The following ADCY3 variants were observed in gnomAD, a reference collection of about 807,000 sequenced individuals.
ADCY3 encodes the protein adenylate cyclase type 3.
A neutral mutation model predicts 119.4 loss-of-function variants in ADCY3; 70 were observed. The observed-to-expected ratio is 0.59, with a 90% confidence interval of 0.48 to 0.72. The LOEUF is 0.72. Among genes scored for constraint, ADCY3 ranks in the 30% least tolerant of loss-of-function variants. The pLI is 0.00. For synonymous variants in ADCY3, 672 were observed against 621.4 expected (o/e 1.08, Z -1.21); for missense variants, 1,238 against 1,541.6 (o/e 0.80, Z 3.30).
At chr2:24,831,573 A>G (rs1028722848) in intron 12 of ADCY3, 89 bp downstream of exon 12, 2 of 1,049,944 alleles carry the variant, frequency 1.9e-6, no homozygotes, top group African/African-American at 3.2e-5. Flanking sequence ...CAGATTTGAC[A>G]GAAAGAATAA....
At chr2:24,857,953 C>T (rs1407587476) in intron 3 of ADCY3, among the ~76,000 whole-genome samples, 1 of 151,572 alleles carries the variant, frequency 6.6e-6, no homozygotes, top group South Asian at 2.1e-4. Flanking sequence ...AACTGTATCC[C>T]CAGTGCCTAG....
chr2:24,831,928 A>C lies in ADCY3; in HGVS notation c.1968-179T>G, dbSNP rs866218547. 4.3e-3 allele frequency among the ~76,000 whole-genome samples: 145 copies of C among 33,436 alleles called. 1 individual carries two copies. The highest frequency in any genetic ancestry group is 0.01 in the African/African-American group (129 of 12,480). 21.9% of individuals were successfully genotyped at this position (33,436 alleles called of 152,430 possible). A position where few individuals can be genotyped will look rare whatever the true frequency, so the allele number is the denominator to read the frequency against. On this transcript the variant is annotated intron_variant, in intron 11 of 21. Transcript: ENST00000679454. ...GCGGACAGGGGCCAGGGGACAGCGG[A>C]CAGTGGCCAGGGGACAGCAGACAGG...
chr2:24,840,139 GA>G, intron 6 of ADCY3, 108 bp from the exon 7 acceptor site: 2 of 1,442,760 alleles, frequency 1.4e-6, no homozygotes, highest in South Asian at 1.3e-5. Flanking sequence ...CCCTCCACAA[GA>G]GGGGGCCTGG....
Position 24,872,554 on chromosome 2 carries a change from C to A in ADCY3, c.825+16G>T. 1.2e-6 allele frequency: 2 copies of A among 1,612,586 alleles called. No homozygotes were observed. The highest frequency in any genetic ancestry group is 1.7e-6 in the Non-Finnish European group (2 of 1,179,032). The stretch of plus-strand genomic sequence containing the variant: ...TGAGCCCAAGCTCCAGGCCCGAGGC[C>A]TCCCGAGAGCCTCACCTGCTGCTGG... On this transcript the variant is annotated intron_variant, in intron 3 of 21. Transcript: ENST00000679454. The surrounding 1 kb of genome is among the most constrained non-coding windows in gnomAD (Gnocchi z 4.4).
intron 3 of ADCY3, among the ~76,000 whole-genome samples, chr2:24,854,700 A>G (rs71439148): frequency 0.025 from 3,770 of 152,230 alleles, 122 homozygotes; most frequent in East Asian, 0.11. Flanking sequence ...ACAATGTACC[A>G]ATGTTGCGGG....
At chr2:24,874,875 TGAAA>T (rs1221328138) in intron 2 of ADCY3, among the ~76,000 whole-genome samples, 1 of 152,188 alleles carries the variant, frequency 6.6e-6, no homozygotes, top group African/African-American at 2.4e-5. Flanking sequence ...TGCAGATCAA[TGAAA>T]GAAATACTGT....
intron 21 of ADCY3, chr2:24,820,332 A>G (rs2148324140): frequency 4.5e-6 from 6 of 1,332,242 alleles, no homozygotes; most frequent in East Asian, 5.9e-5. Flanking sequence ...CCTCTCATCC[A>G]GAGACTTCTC....
In ADCY3 at chr2:24,819,228, T is replaced by G. The variant is rs1246051763; in HGVS notation, c.*704A>C. 3 of 152,542 alleles carry G rather than the reference T, an allele frequency of 2.0e-5. No homozygotes were observed. The highest frequency in any genetic ancestry group is 4.4e-5 in the Non-Finnish European group (3 of 68,026). The allele number at this position is 152,542 out of a possible 1,614,324, so 9.4% of individuals were successfully genotyped here. On this transcript the variant is annotated 3_prime_UTR_variant, in exon 22 of 22. Transcript: ENST00000679454. The stretch of plus-strand genomic sequence containing the variant: ...TTGTTCTTTATCAATACCTGTAAAT[T>G]CTCTTAAAGCAGTAGCAAAGGCGAC...
At chr2:24,849,340 A>G (rs1236609196) in intron 3 of ADCY3, among the ~76,000 whole-genome samples, 3 of 152,058 alleles carry the variant, frequency 2.0e-5, no homozygotes, top group African/African-American at 7.3e-5. Context: ...GGTCTCGGAG[A>G]CTGTCTACCA....
In ADCY3 at chr2:24,827,601, T is replaced by C. The variant is rs1159093126; in HGVS notation, c.2440A>G (p.Met814Val). 4 of 1,586,488 alleles carry C rather than the reference T, an allele frequency of 2.5e-6. No homozygotes were observed. Among genetic ancestry groups the C allele is most frequent in the Non-Finnish European group, 3.4e-6 (4 of 1,163,286 alleles). ...CCTTGCATCTGCTCTAAGGCCACCATAGGTAAGCTGTTGGACAGATAACAG... is the reference window on the plus strand; with the variant it reads ...CCTTGCATCTGCTCTAAGGCCACCACAGGTAAGCTGTTGGACAGATAACAG... The part of the protein sequence containing the change: ...HKRFREHDLP[M>V]VALEQMQGFN... Residue 814 changes from methionine (M) to valine (V), a missense_variant, in exon 15 of 22, where the codon ATG (methionine) becomes GTG (valine). Coordinates refer to ENST00000679454, the MANE Select transcript of ADCY3 (RefSeq NM_004036.5).
chr2:24,902,034 C>CTGTG (rs57980321), intron 2 of ADCY3, among the ~76,000 whole-genome samples: 2,476 of 122,276 alleles, frequency 0.02, 42 homozygotes, highest in East Asian at 0.034. Flanking sequence ...CATTTTAACT[C>CTGTG]TGTGTGTGTG....
In ADCY3 at chr2:24,878,097, G is replaced by A. The variant is rs949960264; in HGVS notation, c.676-5378C>T. 4 of 249,234 alleles carry A rather than the reference G, an allele frequency of 1.6e-5. No individual in the cohort carries two copies. The highest frequency in any genetic ancestry group is 4.7e-5 in the Admixed American group (1 of 21,246). 15.4% of individuals were successfully genotyped at this position (249,234 alleles called of 1,614,324 possible). Reference sequence around the variant, plus strand: ...AGTTTCTTAATCCTAAAGTTTTCCTGGAAATAACTTATTTCAAAAGAATTG... The same window carrying A: ...AGTTTCTTAATCCTAAAGTTTTCCTAGAAATAACTTATTTCAAAAGAATTG... On this transcript the variant is annotated intron_variant, in intron 2 of 21. Transcript: ENST00000679454. The surrounding 1 kb of genome is among the most constrained non-coding windows in gnomAD (Gnocchi z 4.0).
chr2:24,831,533 GACC>G (rs1396703742), intron 12 of ADCY3, 126 bp downstream of exon 12: 33 of 750,350 alleles, frequency 4.4e-5, no homozygotes, highest in Non-Finnish European at 6.7e-5. Flanking sequence ...CAAGTGCCTG[GACC>G]GTCCTAACAG....
rs1335153318 is a variant in ADCY3, at chr2:24,918,015, C to T, written c.675+298G>A. ...CTGACAGGGAATGGCCAGGACAATG[C>T]TGCCTCAAGACCAGCCCTGGGTGGG... On this transcript the variant is annotated intron_variant, in intron 2 of 21. Transcript: ENST00000679454. This position sits in a 1 kb window ranked among gnomAD's most constrained non-coding sequence, Gnocchi z 5.4. Among the ~76,000 whole-genome samples, 4 of 152,196 alleles carry T rather than the reference C, an allele frequency of 2.6e-5. No homozygotes were observed. Among genetic ancestry groups the T allele is most frequent in the Admixed American group, 6.5e-5 (1 of 15,280 alleles).
intron 2 of ADCY3, among the ~76,000 whole-genome samples, chr2:24,901,960 T>C (rs1218327617): frequency 6.6e-6 from 1 of 151,812 alleles, no homozygotes; most frequent in East Asian, 1.9e-4. Flanking sequence ...GTATGCACAA[T>C]TTTTGTGATT....
In ADCY3 at chr2:24,868,745, G is replaced by A. The variant is rs768494552; in HGVS notation, c.825+3825C>T. ...AACTTAGAGATAAGAGGCTGGGCGC[G>A]GTGGCTCACGCCTGTAATCCCAGCA... On this transcript the variant is annotated intron_variant, in intron 3 of 21. Coordinates refer to ENST00000679454, the MANE Select transcript of ADCY3 (RefSeq NM_004036.5). 3.9e-5 allele frequency among the ~76,000 whole-genome samples: 6 copies of A among 152,228 alleles called. No individual in the cohort carries two copies. The East Asian group carries it at 9.6e-4, about 24-fold the overall frequency.
intron 3 of ADCY3, among the ~76,000 whole-genome samples, chr2:24,845,421 G>C (rs938049867): frequency 1.3e-5 from 2 of 152,228 alleles, no homozygotes; most frequent in Non-Finnish European, 2.9e-5. Context: ...TTGGGAACTG[G>C]AGCAAAGGTG....
intron 3 of ADCY3, among the ~76,000 whole-genome samples, chr2:24,847,002 T>C (rs1338677684): frequency 6.6e-6 from 1 of 152,116 alleles, no homozygotes; most frequent in East Asian, 1.9e-4. Context: ...TGGGAAGGTA[T>C]GGTTGGTTTT....
In ADCY3 at chr2:24,830,685, TCAA is replaced by T. The variant is rs750233750; in HGVS notation, c.2172+21_2172+23del. On this transcript the variant is annotated intron_variant, in intron 13 of 21. Transcript: ENST00000679454. ...CTCCACTGAGAACAGGGGCGTCCCT[TCAA>T]CAAGGACAGCAGGAGCTCACCATGT... 6 of 1,595,870 alleles carry T rather than the reference TCAA, an allele frequency of 3.8e-6. No individual in the cohort carries two copies. In the South Asian group the frequency reaches 6.6e-5, roughly 18 times the overall value.
Sources: allele counts gnomAD v4.1 joint callset (sites outside exome capture counted in the v4.1 genomes callset), GRCh38; gene constraint gnomAD v4.1.1; non-coding constraint Gnocchi (gnomAD v3.1); transcripts MANE v1.5; gene names NCBI Gene and HGNC (gene_info 2026-07-23, HGNC 2026-07-21).